The following FAT2 variants were observed in gnomAD, a reference collection of about 807,000 sequenced individuals.
FAT2 encodes protocadherin Fat 2.
Under a neutral mutation model 295.3 loss-of-function variants are expected in FAT2, and 150 were observed. That is an observed-to-expected ratio of 0.51 (90% CI 0.44 to 0.58). The LOEUF is 0.58. Ranked by LOEUF, FAT2 falls within the 20% of genes least tolerant of loss-of-function variation. The probability of loss-of-function intolerance (pLI) is 0.00; values close to 1 mark genes in which losing one functional copy is unlikely to be tolerated. For missense variants in FAT2, 4,868 were observed against 5,442.7 expected, an observed-to-expected ratio of 0.89 and a Z score of 3.32; for synonymous variants, 2,026 against 2,150.3, an observed-to-expected ratio of 0.94 and a Z score of 1.60.
chr5:151,553,138 G>C (rs1757370685), intron 6 of FAT2, 39 bp downstream of exon 6: 1 of 1,590,800 alleles, frequency 6.3e-7, no homozygotes, highest in Admixed American at 1.7e-5. Context: ...ATAAGGATGG[G>C]AGGGGTTGGC....
Position 151,567,232 on chromosome 5 carries a change from A to G in FAT2, c.1700T>C (p.Val567Ala), listed in dbSNP as rs774867148. 1 of 1,614,166 alleles carries G rather than the reference A, an allele frequency of 6.2e-7. No individual in the cohort carries two copies. Among genetic ancestry groups the G allele is most frequent in the Non-Finnish European group, 8.5e-7 (1 of 1,180,036 alleles). The change falls in exon 2 of 24, where the codon GTC becomes GCC. Residue 567 changes from valine (V) to alanine (A), a missense_variant. By Grantham distance (64) the Val-to-Ala change is moderately conservative (BLOSUM62 0). This residue lies in a region of FAT2 where 3,297 missense variants were observed against 3,669.4 expected (regional missense o/e 0.90). Transcript: ENST00000261800. Reference protein sequence around the residue: ...LNDNQPMFEEVNCTGSIRQDW... With the variant: ...LNDNQPMFEEANCTGSIRQDW... ...TTGGCGGATAGACCCTGTACAGTTGACTTCTTCAAACATAGGCTGGTTGTC... is the reference window on the plus strand; with the variant it reads ...TTGGCGGATAGACCCTGTACAGTTGGCTTCTTCAAACATAGGCTGGTTGTC...
At chr5:151,590,347 A>C (rs773288583) in intron 1 of FAT2, among the ~76,000 whole-genome samples, 2 of 152,210 alleles carry the variant, frequency 1.3e-5, no homozygotes, top group Non-Finnish European at 2.9e-5. Context: ...AAACTTCTGC[A>C]CTGCCTCACT....
rs1561834812 is a variant in FAT2, at chr5:151,531,597, A to G, written c.9801T>C (p.Asp3267=). 1 of 1,612,568 alleles carries G rather than the reference A, an allele frequency of 6.2e-7. No individual in the cohort carries two copies. Among genetic ancestry groups the G allele is most frequent in the Non-Finnish European group, 8.5e-7 (1 of 1,179,948 alleles). The part of the protein sequence containing the change: ...SGNEQGRFRL[D]ARTGILYVNA... ...GGATCAGGCTCTCACCTGTGCGAGCATCCAGGCGGAACCTGCCTTGCTCGT... is the reference window on the plus strand; with the variant it reads ...GGATCAGGCTCTCACCTGTGCGAGCGTCCAGGCGGAACCTGCCTTGCTCGT... Residue 3267 remains aspartate, a synonymous_variant, in exon 14 of 24, where the codon GAT becomes GAC. Transcript: ENST00000261800. The surrounding 1 kb of genome is among the most constrained non-coding windows in gnomAD (Gnocchi z 5.7).
intron 8 of FAT2, 124 bp from the exon 9 acceptor site, chr5:151,549,629 T>G: frequency 1.4e-6 from 1 of 707,752 alleles, no homozygotes; most frequent in African/African-American, 1.8e-5. Context: ...ACTCCCCATA[T>G]TCTTTTAAAT....
intron 14 of FAT2, among the ~76,000 whole-genome samples, chr5:151,530,188 T>C (rs79634121): frequency 0.036 from 5,482 of 151,912 alleles, 319 homozygotes; most frequent in African/African-American, 0.13. Context: ...AAATTATAAC[T>C]ATATATTCAT....
rs767555195 is a variant in FAT2, at chr5:151,550,819, T to C, written c.4349A>G (p.Glu1450Gly). 2 of 1,613,856 alleles carry C rather than the reference T, an allele frequency of 1.2e-6. No individual in the cohort carries two copies. Among genetic ancestry groups the C allele is most frequent in the Admixed American group, 1.7e-5 (1 of 60,022 alleles). The change falls in exon 8 of 24, where the codon GAA becomes GGA. Residue 1450 changes from glutamate to glycine, a missense_variant. Around this residue, in one of 5 missense-constraint regions of FAT2, gnomAD observed 3,297 missense variants for 3,669.4 expected, o/e 0.90. Coordinates refer to ENST00000261800, the MANE Select transcript of FAT2 (RefSeq NM_001447.3). ...NINHHRPQFLETRYEVRVPQD... is the reference protein window; with the variant it reads ...NINHHRPQFLGTRYEVRVPQD... ...GGGAACTCTGACTTCATAACGAGTT[T>C]CCAGAAACTGGGGCCGATGGTGGTT...
intron 21 of FAT2, chr5:151,511,244 G>C (rs915405970): frequency 6.6e-6 from 1 of 152,136 alleles, no homozygotes; most frequent in Admixed American, 6.6e-5. Context: ...CAGAAAAAGG[G>C]GTAATGCGAA....
chr5:151,577,138 A>T (rs1008802109), intron 1 of FAT2, among the ~76,000 whole-genome samples: 1 of 152,198 alleles, frequency 6.6e-6, no homozygotes, highest in Admixed American at 6.5e-5. Context: ...ATAATTTTTA[A>T]TTTATGACTT....
chr5:151,558,704 TTTA>T (rs1336724348), intron 3 of FAT2, among the ~76,000 whole-genome samples: 3 of 151,932 alleles, frequency 2.0e-5, no homozygotes, highest in African/African-American at 2.4e-5. Flanking sequence ...ATTTTCCCCA[TTTA>T]TTATTATTAT....
chr5:151,544,888 T>G lies in FAT2; in HGVS notation c.6239A>C (p.Gln2080Pro), dbSNP rs1264335845. Reference sequence around the variant, plus strand: ...GACATCCCCTGGCTCTGTGCCATCTTGGATGATTGTGTAATAGGGCAGATG... The same window carrying G: ...GACATCCCCTGGCTCTGTGCCATCTGGGATGATTGTGTAATAGGGCAGATG... ...FKHLPYYTII[Q>P]DGTEPGDVLF... is the part of the protein sequence containing the mutation. The change falls in exon 10 of 24, where the codon CAA becomes CCA. Residue 2080 changes from glutamine to proline, a missense_variant. Gln to Pro is a moderately conservative substitution (Grantham distance 76, BLOSUM62 -1). This residue lies in a region of FAT2 where 3,297 missense variants were observed against 3,669.4 expected (regional missense o/e 0.90). Transcript: ENST00000261800. 1 of 1,614,012 alleles carries G rather than the reference T, an allele frequency of 6.2e-7. No homozygotes were observed. Among genetic ancestry groups the G allele is most frequent in the African/African-American group, 1.3e-5 (1 of 74,904 alleles).
intron 1 of FAT2, among the ~76,000 whole-genome samples, 195 bp downstream of exon 1, chr5:151,590,970 G>C (rs1759378953): frequency 6.6e-6 from 1 of 152,204 alleles, no homozygotes; most frequent in African/African-American, 2.4e-5. Context: ...TACCTCACTG[G>C]CTTCTTTCAG....
intron 1 of FAT2, among the ~76,000 whole-genome samples, chr5:151,587,137 G>C (rs183302026): frequency 1.3e-5 from 2 of 150,062 alleles, no homozygotes; most frequent in African/African-American, 4.9e-5. Context: ...ATGAGGCTCC[G>C]TCTCAAAAAA....
At chr5:151,557,067 G>A (rs188476520) in intron 3 of FAT2, among the ~76,000 whole-genome samples, 11 of 152,286 alleles carry the variant, frequency 7.2e-5, no homozygotes, top group Admixed American at 2.6e-4. Context: ...GGCCCACCAC[G>A]AGCAGCCTCC....
chr5:151,556,970 C>T (rs1237624307), intron 3 of FAT2, among the ~76,000 whole-genome samples: 1 of 152,142 alleles, frequency 6.6e-6, no homozygotes, highest in Admixed American at 6.5e-5. Flanking sequence ...TGGGAGAGAA[C>T]AGCAGAGATA....
At chr5:151,552,012 T>TGTGTGG in intron 6 of FAT2, among the ~76,000 whole-genome samples, 1 of 151,728 alleles carries the variant, frequency 6.6e-6, no homozygotes, top group East Asian at 1.9e-4. Context: ...TGTGTGTGTG[T>TGTGTGG]GTAAAGGAAA....
At chr5:151,590,487 A>G (rs186448198) in intron 1 of FAT2, among the ~76,000 whole-genome samples, 30 of 152,284 alleles carry the variant, frequency 2.0e-4, no homozygotes, top group African/African-American at 6.3e-4. Context: ...GCTTTCCCCA[A>G]GACAGGGGAA....
At chr5:151,538,953 T>C (rs1271628335) in intron 11 of FAT2, among the ~76,000 whole-genome samples, 1 of 152,104 alleles carries the variant, frequency 6.6e-6, no homozygotes. Flanking sequence ...CCCAAAGTGC[T>C]TGGATTACAG....
chr5:151,590,389 C>T (rs1409420825), intron 1 of FAT2, among the ~76,000 whole-genome samples: 3 of 152,220 alleles, frequency 2.0e-5, no homozygotes, highest in Non-Finnish European at 4.4e-5. Flanking sequence ...GGCACTGCAC[C>T]GGCTCTGAGA....
Position 151,506,097 on chromosome 5 carries a change from A to G in FAT2, c.12518T>C (p.Val4173Ala), listed in dbSNP as rs775423402. The change falls in exon 24 of 24, where the codon GTG becomes GCG. Residue 4173 changes from valine to alanine, a missense_variant and splice_region_variant. Val to Ala is a moderately conservative substitution (Grantham distance 64). Around this residue, in one of 5 missense-constraint regions of FAT2, gnomAD observed 492 missense variants for 482.6 expected, o/e 1.02. Coordinates refer to ENST00000261800, the MANE Select transcript of FAT2 (RefSeq NM_001447.3). ...CCAGACCATGGCTCCGCCAGGGTACACTGAAAGGGAACAGCAAGATAGGGT... is the reference window on the plus strand; with the variant it reads ...CCAGACCATGGCTCCGCCAGGGTACGCTGAAAGGGAACAGCAAGATAGGGT... ...IKRTWSSEEMVYPGGAMVWPP... is the reference protein window; with the variant it reads ...IKRTWSSEEMAYPGGAMVWPP... 3 of 1,510,572 alleles carry G rather than the reference A, an allele frequency of 2.0e-6. No individual in the cohort carries two copies. The highest frequency in any genetic ancestry group is 2.6e-6 in the Non-Finnish European group (3 of 1,139,688). The allele number at this position is 1,510,572 out of a possible 1,614,324, so 93.6% of individuals were successfully genotyped here. A position where few individuals can be genotyped will look rare whatever the true frequency, so the allele number is the denominator to read the frequency against.
Sources: gnomAD v4.1 joint callset for allele counts (sites outside exome capture counted in the v4.1 genomes callset) on GRCh38, gnomAD v4.1.1 for gene constraint, gnomAD v4.1.1 regional missense constraint, Gnocchi (gnomAD v3.1) non-coding constraint, MANE v1.5 for transcripts, NCBI Gene and HGNC (gene_info 2026-07-23, HGNC 2026-07-21) for gene names.